SYCE1L: variants seen among roughly 807,000 people sequenced by gnomAD.
SYCE1L encodes synaptonemal complex central element protein 1-like.
In SYCE1L, 51 loss-of-function variants were observed where a neutral mutation model predicts 39.6. That is an observed-to-expected ratio of 1.29 (90% CI 1.03 to 1.63). SYCE1L has a LOEUF of 1.63. SYCE1L is among the 40% of genes most tolerant of loss of function. The pLI is 0.00. For missense variants in SYCE1L, 426 were observed against 304.9 expected (o/e 1.40, Z -2.96); for synonymous variants, 147 against 122.4 (o/e 1.20, Z -1.33).
intron 1 of SYCE1L, among the ~76,000 whole-genome samples, chr16:77,204,148 C>A (rs1407222075): frequency 6.6e-6 from 1 of 152,090 alleles, no homozygotes; most frequent in African/African-American, 2.4e-5. Flanking sequence ...AGGTGAAAGG[C>A]AATTTCCTAT....
chr16:77,205,044 CA>C (rs1451754899), intron 1 of SYCE1L, among the ~76,000 whole-genome samples: 14 of 123,272 alleles, frequency 1.1e-4, no homozygotes, highest in African/African-American at 1.9e-4. Flanking sequence ...GACTCCATCT[CA>C]AAAAAAAAAA....
chr16:77,203,592 CT>C (rs57339044), intron 1 of SYCE1L, among the ~76,000 whole-genome samples: 51 of 120,592 alleles, frequency 4.2e-4, no homozygotes, highest in Admixed American at 1.2e-3. Flanking sequence ...AAGTTACTTC[CT>C]TTTTTTTTTT....
intron 6 of SYCE1L, among the ~76,000 whole-genome samples, chr16:77,210,918 T>C (rs1056492477): frequency 2.6e-5 from 4 of 152,174 alleles, no homozygotes; most frequent in Admixed American, 2.6e-4. Context: ...CAAGAGTGCA[T>C]GGAACAAATT....
chr16:77,208,393 T>C, intron 3 of SYCE1L, 72 bp from the exon 4 acceptor site: 2 of 1,540,416 alleles, frequency 1.3e-6, no homozygotes, highest in Admixed American at 4.0e-5. Flanking sequence ...GACTGTGCAA[T>C]GTCATATTTG....
At chr16:77,206,597 T>A in intron 2 of SYCE1L, 97 bp downstream of exon 2, 1 of 1,184,146 alleles carries the variant, frequency 8.4e-7, no homozygotes, top group Non-Finnish European at 1.2e-6. Context: ...CTCAGGAAAT[T>A]ATCCCATTGC....
chr16:77,209,707 G>T (rs1450879209), intron 6 of SYCE1L, among the ~76,000 whole-genome samples: 2 of 152,104 alleles, frequency 1.3e-5, no homozygotes, highest in Admixed American at 6.6e-5. Context: ...CCCTCCATTG[G>T]TCTTAGCCTC....
At chr16:77,210,458 A>G (rs2054814931) in intron 6 of SYCE1L, among the ~76,000 whole-genome samples, 1 of 152,078 alleles carries the variant, frequency 6.6e-6, no homozygotes, top group Non-Finnish European at 1.5e-5. Flanking sequence ...CAACCACACT[A>G]CTCACACTGT....
At chr16:77,204,939 G>C (rs946999428) in intron 1 of SYCE1L, among the ~76,000 whole-genome samples, 1 of 151,796 alleles carries the variant, frequency 6.6e-6, no homozygotes, top group Admixed American at 6.6e-5. Flanking sequence ...CAGGTACTCA[G>C]GAGGCTGAGG....
intron 1 of SYCE1L, chr16:77,201,308 CA>C (rs2054740075): frequency 2.0e-5 from 3 of 152,176 alleles, no homozygotes; most frequent in Admixed American, 6.5e-5. Context: ...ATGCAGCTGC[CA>C]CTGCAATTAA....
chr16:77,212,655 C>A lies in SYCE1L; in HGVS notation c.654+9C>A. 2.0e-6 allele frequency: 3 copies of A among 1,530,684 alleles called. No homozygotes were observed. The highest frequency in any genetic ancestry group is 2.6e-6 in the Non-Finnish European group (3 of 1,144,354). 94.8% of individuals were successfully genotyped at this position (1,530,684 alleles called of 1,614,324 possible). ...GGGCCGGCGAGGGAGAGGTAGGGAG[C>A]CCGAGGAAGGGAGGCGGGGCGGGCA... is the stretch of plus-strand genomic sequence containing the variant. On this transcript the variant is annotated intron_variant, in intron 10 of 10. Transcript: ENST00000378644.
intron 5 of SYCE1L, 134 bp downstream of exon 5, chr16:77,209,278 G>T: frequency 3.7e-6 from 5 of 1,333,922 alleles, no homozygotes; most frequent in Non-Finnish European, 5.3e-6. Flanking sequence ...TCTCTTCCTG[G>T]ATTGCTACAT....
At chr16:77,206,650 A>G (rs1220325626) in intron 2 of SYCE1L, 150 bp downstream of exon 2, 5 of 763,366 alleles carry the variant, frequency 6.5e-6, no homozygotes, top group African/African-American at 5.3e-5. Context: ...AACCAAGAAT[A>G]CAGTCCCACA....
chr16:77,212,612 G>C lies in SYCE1L; in HGVS notation c.620G>C (p.Arg207Pro). Residue 207 changes from arginine to proline, a missense_variant, in exon 10 of 11, where the codon CGG (arginine) becomes CCG (proline). Physicochemically the swap from Arg to Pro is moderately radical, Grantham distance 103. Transcript: ENST00000378644. ...CTGGAGATATTCGGGGAGCAGGTCC[G>C]GAGCGCCCCCGAGGTCGGGGCCGGC... The part of the protein sequence containing the change: ...AELEIFGEQV[R>P]SAPEVGAGEG... 2 of 1,535,958 alleles carry C rather than the reference G, an allele frequency of 1.3e-6. No individual in the cohort carries two copies. Among genetic ancestry groups the C allele is most frequent in the Non-Finnish European group, 1.7e-6 (2 of 1,146,420 alleles).
chr16:77,199,554 G>C, intron 1 of SYCE1L, 42 bp downstream of exon 1: 1 of 1,440,438 alleles, frequency 6.9e-7, no homozygotes, highest in Non-Finnish European at 9.5e-7. Flanking sequence ...TCTCCAACCA[G>C]GGCAGAAAGG....
At chr16:77,202,474 A>G (rs2054753038) in intron 1 of SYCE1L, 1 of 152,202 alleles carries the variant, frequency 6.6e-6, no homozygotes, top group Non-Finnish European at 1.5e-5. Context: ...GGATTATTTA[A>G]AAGATTTATT....
At chr16:77,200,967 C>G (rs192670529) in intron 1 of SYCE1L, 154 of 152,282 alleles carry the variant, frequency 1.0e-3, no homozygotes, top group Non-Finnish European at 1.9e-3. Flanking sequence ...TTTCTGCACA[C>G]TCTTTAAACC....
chr16:77,200,291 T>TATATATACACAC, intron 1 of SYCE1L: 9 of 111,426 alleles, frequency 8.1e-5, no homozygotes, highest in African/African-American at 3.0e-4. Context: ...TATATATATA[T>TATATATACACAC]ACACACACTA....
rs1342971073 is a variant in SYCE1L at position 77,199,440 on chromosome 16, C to T, written c.-12C>T. 5.8e-6 allele frequency: 9 copies of T among 1,551,394 alleles called. No homozygotes were observed. Among genetic ancestry groups the T allele is most frequent in the Non-Finnish European group, 7.8e-6 (9 of 1,146,974 alleles). On this transcript the variant is annotated 5_prime_UTR_variant, in exon 1 of 11. Coordinates refer to ENST00000378644, the MANE Select transcript of SYCE1L (RefSeq NM_001129979.3). ...ATCAAGCGAGGCTCGCGCGCAGGCC[C>T]CGCGTTGGAAAATGGCGGGGAAGCT...
rs1457709334 is a variant in SYCE1L at position 77,200,729 on chromosome 16, G to A, written c.61+1217G>A. ...TGACATTGCGCCACTGCACTCCAGC[G>A]CGGAAGACAGAGTGAGCAAAAAAAA... On this transcript the variant is annotated intron_variant, in intron 1 of 10. Coordinates refer to ENST00000378644, the MANE Select transcript of SYCE1L (RefSeq NM_001129979.3). 6 of 138,166 alleles carry A rather than the reference G, an allele frequency of 4.3e-5. 1 individual carries two copies. Among genetic ancestry groups the A allele is most frequent in the African/African-American group, 1.1e-4 (4 of 36,108 alleles). 8.6% of individuals were successfully genotyped at this position (138,166 alleles called of 1,614,324 possible).
Sources: gnomAD v4.1 joint callset for allele counts (sites outside exome capture counted in the v4.1 genomes callset) on GRCh38, gnomAD v4.1.1 for gene constraint, MANE v1.5 for transcripts, NCBI Gene and HGNC (gene_info 2026-07-23, HGNC 2026-07-21) for gene names.